The following EPB41L5 variants were observed in gnomAD, a reference collection of about 807,000 sequenced individuals.
EPB41L5 encodes erythrocyte membrane protein band 4.1 like 5, also known as band 4.1-like protein 5.
EPB41L5 carries 55 observed loss-of-function variants against 106.6 expected under a neutral mutation model. The observed-to-expected ratio is 0.52, with a 90% CI of 0.42 to 0.65. The LOEUF is 0.65. Ranked by LOEUF, EPB41L5 falls within the 30% of genes least tolerant of loss-of-function variation. The pLI is 0.00. For synonymous variants in EPB41L5, 297 were observed against 306.7 expected (o/e 0.97, Z 0.33); for missense variants, 871 against 882.1 (o/e 0.99, Z 0.16).
chr2:120,119,239 G>A (rs1685094068), intron 16 of EPB41L5, among the ~76,000 whole-genome samples: 1 of 151,830 alleles, frequency 6.6e-6, no homozygotes. Context: ...TTGTCAGATA[G>A]ATATATTGCA....
chr2:120,125,487 C>T (rs1685418376), intron 16 of EPB41L5, among the ~76,000 whole-genome samples: 1 of 152,144 alleles, frequency 6.6e-6, no homozygotes, highest in Non-Finnish European at 1.5e-5. Context: ...TAAGAACACT[C>T]CCTGTGCCAC....
At chr2:120,096,304 C>T (rs996659407) in intron 14 of EPB41L5, among the ~76,000 whole-genome samples, 22 of 152,106 alleles carry the variant, frequency 1.4e-4, no homozygotes, top group African/African-American at 5.1e-4. Context: ...TGAACAAGGA[C>T]TCCCCTCAAG....
chr2:120,087,274 A>T, intron 11 of EPB41L5, 34 bp downstream of exon 11: 2 of 1,249,424 alleles, frequency 1.6e-6, no homozygotes, highest in Admixed American at 1.8e-5. Flanking sequence ...TACTTGTGTA[A>T]CAGTGACTGT....
rs527281358 is a variant in EPB41L5 at position 120,020,884 on chromosome 2, G to A, written c.180+1620G>A. Among the ~76,000 whole-genome samples, 6 of 152,134 alleles carry A rather than the reference G, an allele frequency of 3.9e-5. No homozygotes were observed. In the South Asian group the frequency reaches 1.2e-3, roughly 32 times the overall value. On this transcript the variant is annotated intron_variant, in intron 2 of 24. Coordinates refer to ENST00000263713, the MANE Select transcript of EPB41L5 (RefSeq NM_020909.4). ...AGGAGAAACAACACTAGCTTTTAAA[G>A]TGGTGGAACAAATGGCTAGTTACTG... is the stretch of plus-strand genomic sequence containing the variant.
intron 2 of EPB41L5, among the ~76,000 whole-genome samples, chr2:120,021,197 G>A (rs938728489): frequency 9.9e-5 from 15 of 152,036 alleles, no homozygotes; most frequent in Non-Finnish European, 2.1e-4. Flanking sequence ...AAAATTAACC[G>A]GGCGTGGTGG....
rs552072192 is a variant in EPB41L5, at chr2:120,121,699, T to G, written c.1338-5989T>G. On this transcript the variant is annotated intron_variant, in intron 16 of 24. Coordinates refer to ENST00000263713, the MANE Select transcript of EPB41L5 (RefSeq NM_020909.4). ...AGCATGATTTATAATCCTTTGGGTA[T>G]ATACCCAGTAATGGGATCTCTGGGT... Among the ~76,000 whole-genome samples, 9 of 152,386 alleles carry G rather than the reference T, an allele frequency of 5.9e-5. No individual in the cohort carries two copies. In the South Asian group the frequency reaches 1.7e-3, roughly 28 times the overall value.
intron 3 of EPB41L5, among the ~76,000 whole-genome samples, chr2:120,069,300 G>A (rs1574584707): frequency 6.6e-6 from 1 of 152,064 alleles, no homozygotes; most frequent in East Asian, 1.9e-4. Flanking sequence ...ACCCAAAATA[G>A]GAGCACCCAG....
At chr2:120,028,124 A>C (rs995044951) in intron 2 of EPB41L5, among the ~76,000 whole-genome samples, 1 of 151,970 alleles carries the variant, frequency 6.6e-6, no homozygotes, top group Non-Finnish European at 1.5e-5. Flanking sequence ...TCGGCCTCCC[A>C]AAGTGCTGGG....
At chr2:120,154,808 C>T (rs1017086841) in intron 20 of EPB41L5, among the ~76,000 whole-genome samples, 6 of 151,922 alleles carry the variant, frequency 3.9e-5, no homozygotes, top group Admixed American at 1.3e-4. Context: ...TGCCTATAGT[C>T]CCAGCTACTC....
rs35675992 is a variant in EPB41L5 at position 120,078,573 on chromosome 2, AT to A, written c.802del (p.Trp268GlyfsTer4). 1.2e-6 allele frequency: 2 copies of A among 1,604,464 alleles called. No individual in the cohort carries two copies. Among genetic ancestry groups the A allele is most frequent in the Non-Finnish European group, 8.5e-7 (1 of 1,174,764 alleles). On this transcript the variant is annotated frameshift_variant, in exon 10 of 25. Coordinates refer to ENST00000263713, the MANE Select transcript of EPB41L5 (RefSeq NM_020909.4). LOFTEE classifies it high-confidence loss of function. ...VFEGDTKIGL[F>X]FWPKITRLDF... ...TTGAAGGAGATACCAAAATTGGCTT[AT>A]TTTTTTGGTAAGCAAGAGTTATTGT...
chr2:120,026,876 C>A (rs1678358968), intron 2 of EPB41L5, among the ~76,000 whole-genome samples: 1 of 152,090 alleles, frequency 6.6e-6, no homozygotes, highest in Admixed American at 6.5e-5. Context: ...ATAAAGAACA[C>A]CCAATTTAAA....
At chr2:120,139,354 C>T (rs1181453102) in intron 18 of EPB41L5, among the ~76,000 whole-genome samples, 1 of 151,910 alleles carries the variant, frequency 6.6e-6, no homozygotes, top group African/African-American at 2.4e-5. Flanking sequence ...AAAGTTCCTG[C>T]ACAGCAAAGG....
chr2:120,094,745 T>C (rs1216351677), intron 14 of EPB41L5, among the ~76,000 whole-genome samples: 1 of 152,196 alleles, frequency 6.6e-6, no homozygotes, highest in African/African-American at 2.4e-5. Context: ...AGTTTTGCTA[T>C]GTTGTGTTCT....
chr2:120,044,999 A>C (rs1679665076), intron 3 of EPB41L5, among the ~76,000 whole-genome samples: 3 of 152,208 alleles, frequency 2.0e-5, no homozygotes, highest in African/African-American at 7.2e-5. Flanking sequence ...TCATGACATA[A>C]ACAATCAGCT....
intron 7 of EPB41L5, 34 bp from the exon 8 acceptor site, chr2:120,076,937 A>T: frequency 6.5e-7 from 1 of 1,540,328 alleles, no homozygotes; most frequent in South Asian, 1.3e-5. Flanking sequence ...ATTTAGCAGG[A>T]AATACATATA....
At position 120,174,677 on chromosome 2, in the gene EPB41L5, C is replaced by T. The variant is rs145284549; in HGVS notation, c.2136-164C>T. Among the ~76,000 whole-genome samples the T allele has an allele frequency of 3.7e-3, 563 of 152,248 alleles. 2 individuals carry two copies. The highest frequency in any genetic ancestry group is 6.2e-3 in the Admixed American group (95 of 15,294). On this transcript the variant is annotated intron_variant, in intron 24 of 24. Transcript: ENST00000263713. ...AAGCAGTGTTTATCCAGAAATTTCC[C>T]TTCTATGGAATATCTCATTGCCAGG...
At chr2:120,060,873 C>G (rs1372689038) in intron 3 of EPB41L5, among the ~76,000 whole-genome samples, 1 of 151,962 alleles carries the variant, frequency 6.6e-6, no homozygotes, top group Non-Finnish European at 1.5e-5. Flanking sequence ...GTGTGAATCT[C>G]TAATTATTTC....
intron 24 of EPB41L5, among the ~76,000 whole-genome samples, chr2:120,174,468 G>A (rs1226819609): frequency 6.1e-5 from 9 of 147,340 alleles, no homozygotes; most frequent in Non-Finnish European, 6.0e-5. Flanking sequence ...CCGTCTCACA[G>A]AAAAAAAAAA....
intron 20 of EPB41L5, among the ~76,000 whole-genome samples, chr2:120,158,193 G>A (rs980774141): frequency 6.6e-6 from 1 of 152,154 alleles, no homozygotes; most frequent in African/African-American, 2.4e-5. Flanking sequence ...TACCATTACT[G>A]CTGAAACTAT....
Sources: allele counts gnomAD v4.1 joint callset (sites outside exome capture counted in the v4.1 genomes callset), GRCh38; gene constraint gnomAD v4.1.1; transcripts MANE v1.5; gene names NCBI Gene and HGNC (gene_info 2026-07-23, HGNC 2026-07-21).